NPR3: variants seen among roughly 807,000 people sequenced by gnomAD.
NPR3 encodes the protein atrial natriuretic peptide receptor 3.
Under a neutral mutation model 54.5 loss-of-function variants are expected in NPR3, and 34 were observed. The ratio of observed to expected loss-of-function variants is 0.62; its 90% confidence interval spans 0.47 to 0.83. The LOEUF (loss-of-function observed/expected upper bound fraction) is 0.83, where lower values mean the gene tolerates loss of function less well. NPR3 is among the 40% of genes least tolerant of loss of function. The pLI is 0.00. For missense variants in NPR3, 674 were observed against 720.8 expected (o/e 0.94, Z 0.74); for synonymous variants, 289 against 297.1 (o/e 0.97, Z 0.28).
rs1738266960 is a variant in NPR3 at position 32,711,967 on chromosome 5, C to G, written c.191C>G (p.Ser64Trp). Residue 64 changes from serine (S) to tryptophan (W), a missense_variant, in exon 1 of 8, where the codon TCG becomes TGG. Ser to Trp is a radical substitution (Grantham distance 177). Transcript: ENST00000265074. ...CTGGTGTTACTGCCCCAGGATGACT[C>G]GTACTTGTTTTCACTCACCCGGGTG... ...EVLVLLPQDD[S>W]YLFSLTRVRP... 1 of 1,598,426 alleles carries G rather than the reference C, an allele frequency of 6.3e-7. No homozygotes were observed. Among genetic ancestry groups the G allele is most frequent in the Non-Finnish European group, 8.5e-7 (1 of 1,172,396 alleles).
chr5:32,701,434 G>A (rs1737795743), intron 1 of NPR3, among the ~76,000 whole-genome samples: 1 of 152,078 alleles, frequency 6.6e-6, no homozygotes, highest in Non-Finnish European at 1.5e-5. Context: ...GGATTTCATT[G>A]AGCTTCCTCA....
chr5:32,727,708 T>C (rs1739210581), intron 2 of NPR3, among the ~76,000 whole-genome samples: 2 of 152,228 alleles, frequency 1.3e-5, no homozygotes, highest in Admixed American at 1.3e-4. Flanking sequence ...AGAGAAGCAA[T>C]GAGTTCTTGT....
At chr5:32,726,337 A>C (rs1739136147) in intron 2 of NPR3, among the ~76,000 whole-genome samples, 1 of 152,182 alleles carries the variant, frequency 6.6e-6, no homozygotes, top group African/African-American at 2.4e-5. Flanking sequence ...GATGAAACAA[A>C]AGTAGCCACT....
At chr5:32,730,660 G>T (rs565969172) in intron 2 of NPR3, among the ~76,000 whole-genome samples, 1 of 152,070 alleles carries the variant, frequency 6.6e-6, no homozygotes, top group Non-Finnish European at 1.5e-5. Flanking sequence ...AAAATCACTT[G>T]TGTTTCTATA....
In NPR3 at chr5:32,719,651, A is replaced by C. The variant is rs185914455; in HGVS notation, c.770-5047A>C. 2.9e-3 allele frequency among the ~76,000 whole-genome samples: 441 copies of C among 152,048 alleles called. 1 individual carries two copies. Among genetic ancestry groups the C allele is most frequent in the African/African-American group, 9.9e-3 (411 of 41,488 alleles). ...TCTTTTAATTCTGGGAATACTTCTT[A>C]AGTTATTTCTGTGATAATTGTATCC... On this transcript the variant is annotated intron_variant, in intron 1 of 7. Coordinates refer to ENST00000265074, the MANE Select transcript of NPR3 (RefSeq NM_001204375.2).
At chr5:32,735,091 G>A (rs1739659340) in intron 2 of NPR3, among the ~76,000 whole-genome samples, 1 of 152,132 alleles carries the variant, frequency 6.6e-6, no homozygotes, top group South Asian at 2.1e-4. Context: ...GAGCCGTGTG[G>A]AAATGACACC....
Position 32,712,563 on chromosome 5 carries a change from C to T in NPR3, c.769+18C>T. On this transcript the variant is annotated intron_variant, in intron 1 of 7. Coordinates refer to ENST00000265074, the MANE Select transcript of NPR3 (RefSeq NM_001204375.2). ...TGAGAGAGGTGAGCAGGGGCGCGTC[C>T]CGGGCCCCGGGCCCTAACCCAACCG... 1 of 1,501,968 alleles carries T rather than the reference C, an allele frequency of 6.7e-7. No individual in the cohort carries two copies. Among genetic ancestry groups the T allele is most frequent in the South Asian group, 1.3e-5 (1 of 74,424 alleles). The allele number at this position is 1,501,968 out of a possible 1,614,324, so 93.0% of individuals were successfully genotyped here. A position where few individuals can be genotyped will look rare whatever the true frequency, so the allele number is the denominator to read the frequency against.
intron 4 of NPR3, among the ~76,000 whole-genome samples, chr5:32,775,203 A>G (rs147945781): frequency 7.2e-5 from 11 of 152,202 alleles, no homozygotes; most frequent in Middle Eastern, 3.4e-3. Flanking sequence ...TGTTCAGACT[A>G]TGTTGGTTTT....
At chr5:32,780,393 G>T (rs913899455) in intron 4 of NPR3, among the ~76,000 whole-genome samples, 1 of 152,028 alleles carries the variant, frequency 6.6e-6, no homozygotes, top group African/African-American at 2.4e-5. Context: ...CTAACTCTGC[G>T]ATTAAAAAAA....
rs547087680 is a variant in NPR3, at chr5:32,769,081, A to G, written c.1060-5627A>G. On this transcript the variant is annotated intron_variant, in intron 3 of 7. Transcript: ENST00000265074. ...AGAATTCCATGAAGACAGGCCCACT[A>G]TAGAACAGGAATTGGGGTCTCTGTC... Among the ~76,000 whole-genome samples, 114 of 152,314 alleles carry G rather than the reference A, an allele frequency of 7.5e-4. 1 individual carries two copies. The highest frequency in any genetic ancestry group is 2.7e-3 in the African/African-American group (112 of 41,568).
Position 32,786,239 on chromosome 5 carries a change from A to C in NPR3, c.1520A>C (p.Lys507Thr). Residue 507 changes from lysine to threonine, a missense_variant, in exon 8 of 8, where the codon AAA (lysine) becomes ACA (threonine). Coordinates refer to ENST00000265074, the MANE Select transcript of NPR3 (RefSeq NM_001204375.2). ...LLMAFYFFRK[K>T]YRITIERRTQ... The stretch of plus-strand genomic sequence containing the variant: ...TTCACTTTCCCTTTACCCAGGAAGA[A>C]ATACAGAATAACCATTGAGAGGCGA... The C allele has an allele frequency of 7.2e-7, 1 of 1,382,500 alleles. No homozygotes were observed. Among genetic ancestry groups the C allele is most frequent in the Non-Finnish European group, 1.0e-6 (1 of 986,616 alleles). 85.6% of individuals were successfully genotyped at this position (1,382,500 alleles called of 1,614,324 possible). A position where few individuals can be genotyped will look rare whatever the true frequency, so the allele number is the denominator to read the frequency against.
At chr5:32,730,673 C>T (rs1397760774) in intron 2 of NPR3, among the ~76,000 whole-genome samples, 1 of 152,120 alleles carries the variant, frequency 6.6e-6, no homozygotes, top group African/African-American at 2.4e-5. Context: ...TTTCTATATT[C>T]TAGCAATGAA....
Position 32,712,460 on chromosome 5 carries a change from T to A in NPR3, c.684T>A (p.Gly228=). Residue 228 remains glycine (G), a synonymous_variant, in exon 1 of 8, where the codon GGT becomes GGA. Transcript: ENST00000265074. ...TCCACGAGGTCTTCCAGGAGGAGGGTTTGCACACGTCCATCTACAGTTTCG... is the reference window on the plus strand; with the variant it reads ...TCCACGAGGTCTTCCAGGAGGAGGGATTGCACACGTCCATCTACAGTTTCG... The part of the protein sequence containing the change: ...EGVHEVFQEE[G]LHTSIYSFDE... 2 of 1,605,920 alleles carry A rather than the reference T, an allele frequency of 1.2e-6. No homozygotes were observed. Among genetic ancestry groups the A allele is most frequent in the Non-Finnish European group, 1.7e-6 (2 of 1,177,468 alleles).
At chr5:32,766,810 C>T (rs1382549964) in intron 3 of NPR3, among the ~76,000 whole-genome samples, 1 of 152,182 alleles carries the variant, frequency 6.6e-6, no homozygotes, top group Non-Finnish European at 1.5e-5. Context: ...GTAGGACGCT[C>T]ATCCTTCACG....
chr5:32,735,340 C>A (rs892980408), intron 2 of NPR3, among the ~76,000 whole-genome samples: 10 of 152,092 alleles, frequency 6.6e-5, no homozygotes, highest in African/African-American at 2.4e-4. Context: ...TCTGTGTTGT[C>A]CCTCACTCCC....
chr5:32,775,358 G>C (rs929450573), intron 4 of NPR3, among the ~76,000 whole-genome samples: 1 of 149,876 alleles, frequency 6.7e-6, no homozygotes, highest in Non-Finnish European at 1.5e-5. Context: ...TCAGTGGCAC[G>C]ATCTCGGCTC....
At chr5:32,713,531 A>G in intron 1 of NPR3, 6 of 908,430 alleles carry the variant, frequency 6.6e-6, no homozygotes, top group Non-Finnish European at 6.6e-6. Context: ...CGATGAGGGA[A>G]TCCCGTCTCT....
intron 3 of NPR3, among the ~76,000 whole-genome samples, chr5:32,743,797 T>C (rs540603608): frequency 1.3e-5 from 2 of 152,188 alleles, no homozygotes; most frequent in Non-Finnish European, 2.9e-5. Context: ...TGTGGTGTGA[T>C]AGAAAATAGG....
chr5:32,738,639 A>G (rs1739877604), intron 2 of NPR3, among the ~76,000 whole-genome samples: 1 of 152,074 alleles, frequency 6.6e-6, no homozygotes, highest in Admixed American at 6.5e-5. Flanking sequence ...CCTCAACAGT[A>G]CTCTTCTTTC....
Sources: allele counts gnomAD v4.1 joint callset (sites outside exome capture counted in the v4.1 genomes callset), GRCh38; gene constraint gnomAD v4.1.1; transcripts MANE v1.5; gene names NCBI Gene and HGNC (gene_info 2026-07-23, HGNC 2026-07-21).